The following PARD3B variants were observed in gnomAD, a reference collection of about 807,000 sequenced individuals.
PARD3B encodes the protein par-3 family cell polarity regulator beta.
Under a neutral mutation model 130.2 loss-of-function variants are expected in PARD3B, and 103 were observed. That is an observed-to-expected ratio of 0.79 (90% CI 0.67 to 0.93). PARD3B has a LOEUF of 0.93. Ranked by LOEUF, PARD3B falls within the 40% of genes least tolerant of loss-of-function variation. PARD3B has a pLI of 0.00. For missense variants in PARD3B, 1,609 were observed against 1,499.2 expected (o/e 1.07, Z -1.21); for synonymous variants, 583 against 553.2 (o/e 1.05, Z -0.76).
chr2:204,964,079 C>A (rs1445563214), intron 2 of PARD3B, among the ~76,000 whole-genome samples: 1 of 152,148 alleles, frequency 6.6e-6, no homozygotes, highest in African/African-American at 2.4e-5. Context: ...GAGTGTCTTT[C>A]CTGAATAAAT....
chr2:205,612,029 A>G (rs950215234), intron 22 of PARD3B, among the ~76,000 whole-genome samples: 19 of 152,126 alleles, frequency 1.2e-4, no homozygotes, highest in Non-Finnish European at 2.1e-4. Flanking sequence ...CTTTCCTACA[A>G]ACACTAAATT....
intron 2 of PARD3B, among the ~76,000 whole-genome samples, chr2:204,800,464 T>C (rs944544213): frequency 3.3e-5 from 5 of 152,142 alleles, no homozygotes; most frequent in Non-Finnish European, 5.9e-5. Context: ...GTAAAAAGTT[T>C]ATTCAAATGG....
intron 2 of PARD3B, among the ~76,000 whole-genome samples, chr2:204,719,824 A>G (rs187634314): frequency 7.7e-4 from 118 of 152,358 alleles, no homozygotes; most frequent in African/African-American, 2.7e-3. Flanking sequence ...ATTATAGGAA[A>G]TAAATAATCA....
At chr2:204,953,857 G>T (rs936872444) in intron 2 of PARD3B, among the ~76,000 whole-genome samples, 2 of 152,030 alleles carry the variant, frequency 1.3e-5, no homozygotes, top group African/African-American at 4.8e-5. Context: ...TTATATTTTA[G>T]GTGCTTTTGG....
chr2:205,062,262 G>A (rs537338113), intron 4 of PARD3B, among the ~76,000 whole-genome samples: 6 of 152,064 alleles, frequency 3.9e-5, no homozygotes, highest in South Asian at 2.1e-4. Flanking sequence ...CGTTGAGGTC[G>A]TAATGAAAGT....
chr2:205,457,970 C>A (rs1042710480), intron 20 of PARD3B, among the ~76,000 whole-genome samples: 2 of 152,130 alleles, frequency 1.3e-5, no homozygotes, highest in Non-Finnish European at 2.9e-5. Flanking sequence ...ATTCTAAAAT[C>A]CAAACACATC....
At chr2:204,605,707 C>T (rs2033693681) in intron 1 of PARD3B, among the ~76,000 whole-genome samples, 1 of 152,082 alleles carries the variant, frequency 6.6e-6, no homozygotes, top group Non-Finnish European at 1.5e-5. Context: ...TTGCTTTTGT[C>T]ATCCGTAAAA....
At chr2:205,426,586 C>T (rs1012400893) in intron 19 of PARD3B, among the ~76,000 whole-genome samples, 7 of 152,152 alleles carry the variant, frequency 4.6e-5, no homozygotes, top group Non-Finnish European at 7.4e-5. Context: ...AGCAAACCTC[C>T]TCTTTACTCT....
intron 15 of PARD3B, among the ~76,000 whole-genome samples, chr2:205,193,650 C>T (rs1025291780): frequency 6.6e-6 from 1 of 152,206 alleles, no homozygotes; most frequent in Non-Finnish European, 1.5e-5. Flanking sequence ...TTTGCACCCT[C>T]GCTTCTGCCA....
chr2:204,645,529 T>G (rs1416176704), intron 1 of PARD3B, among the ~76,000 whole-genome samples: 1 of 152,186 alleles, frequency 6.6e-6, no homozygotes, highest in African/African-American at 2.4e-5. Flanking sequence ...TAAGGCATTT[T>G]CCTGCATATT....
chr2:205,178,489 A>G (rs944895164), intron 13 of PARD3B, among the ~76,000 whole-genome samples: 9 of 152,188 alleles, frequency 5.9e-5, no homozygotes, highest in African/African-American at 1.9e-4. Flanking sequence ...TTGACAGAAC[A>G]AGATTGCCTT....
Position 205,472,360 on chromosome 2 carries a change from A to G in PARD3B, c.3045-27536A>G, listed in dbSNP as rs1358644401. Among the ~76,000 whole-genome samples, 3 of 150,930 alleles carry G rather than the reference A, an allele frequency of 2.0e-5. No homozygotes were observed. In the East Asian group the frequency reaches 5.8e-4, roughly 29 times the overall value. On this transcript the variant is annotated intron_variant, in intron 20 of 22. Coordinates refer to ENST00000406610, the MANE Select transcript of PARD3B (RefSeq NM_001302769.2). ...CTAGTTTTCTTACAATTAGCACCCA[A>G]GACATACTTTTTCAATAATTAGTAA...
chr2:204,584,615 T>G (rs1176935536), intron 1 of PARD3B, among the ~76,000 whole-genome samples: 1 of 152,186 alleles, frequency 6.6e-6, no homozygotes, highest in Admixed American at 6.5e-5. Flanking sequence ...CATAATGATG[T>G]CTGGCTTCTA....
chr2:204,557,390 C>G (rs920291387), intron 1 of PARD3B, among the ~76,000 whole-genome samples: 5 of 152,162 alleles, frequency 3.3e-5, no homozygotes, highest in African/African-American at 1.2e-4. Context: ...TCACACCTCC[C>G]TCATATTCCA....
intron 2 of PARD3B, among the ~76,000 whole-genome samples, chr2:204,862,877 A>G (rs1473489032): frequency 6.6e-6 from 1 of 152,206 alleles, no homozygotes; most frequent in African/African-American, 2.4e-5. Context: ...GCAAAGTGAG[A>G]GAGAGTCCTG....
At position 205,241,609 on chromosome 2, in the gene PARD3B, G is replaced by GA. The variant is rs1334887276; in HGVS notation, c.2141-4168dup. 2.0e-5 allele frequency among the ~76,000 whole-genome samples: 3 copies of GA among 152,006 alleles called. No homozygotes were observed. Among genetic ancestry groups the GA allele is most frequent in the Admixed American group, 2.0e-4 (3 of 15,260 alleles). Reference sequence around the variant, plus strand: ...TTAAAAAAGAAAGAAGAAAGAAAAGGAGAAAAAATTCTGTCATCAGAACGA... The same window carrying GA: ...TTAAAAAAGAAAGAAGAAAGAAAAGGAAGAAAAAATTCTGTCATCAGAACGA... On this transcript the variant is annotated intron_variant, in intron 15 of 22. Transcript: ENST00000406610. The surrounding 1 kb of genome is among the most constrained non-coding windows in gnomAD (Gnocchi z 4.2).
intron 2 of PARD3B, among the ~76,000 whole-genome samples, chr2:204,882,833 A>G (rs2046106880): frequency 6.6e-6 from 1 of 152,174 alleles, no homozygotes; most frequent in East Asian, 1.9e-4. Context: ...AACTACTGCA[A>G]TAGAACCTCA....
intron 10 of PARD3B, among the ~76,000 whole-genome samples, chr2:205,135,020 T>G (rs1341028355): frequency 6.6e-6 from 1 of 151,872 alleles, no homozygotes; most frequent in Admixed American, 6.5e-5. Context: ...CTATGAGATT[T>G]GGCCTCATTT....
At chr2:205,198,112 G>A (rs1001299795) in intron 15 of PARD3B, among the ~76,000 whole-genome samples, 1 of 152,166 alleles carries the variant, frequency 6.6e-6, no homozygotes, top group African/African-American at 2.4e-5. Flanking sequence ...GACCTACTCT[G>A]TAGCCCCATT....
Sources: allele counts gnomAD v4.1 joint callset (sites outside exome capture counted in the v4.1 genomes callset), GRCh38; gene constraint gnomAD v4.1.1; non-coding constraint Gnocchi (gnomAD v3.1); transcripts MANE v1.5; gene names NCBI Gene and HGNC (gene_info 2026-07-23, HGNC 2026-07-21).